CDH17: variants seen among roughly 807,000 people sequenced by gnomAD.
CDH17 encodes the protein cadherin-17.
A neutral mutation model predicts 86.3 loss-of-function variants in CDH17; 67 were observed. The observed-to-expected ratio is 0.78, with a 90% CI of 0.64 to 0.95. The LOEUF (loss-of-function observed/expected upper bound fraction) is 0.95, where lower values mean the gene tolerates loss of function less well. Ranked by LOEUF, CDH17 falls within the 40% of genes least tolerant of loss-of-function variation. The pLI, the probability that CDH17 is intolerant of heterozygous loss-of-function variation, is 0.00. For synonymous variants in CDH17, 367 were observed against 366.4 expected, an observed-to-expected ratio of 1.00 and a Z score of -0.02; for missense variants, 993 against 1,017.6, an observed-to-expected ratio of 0.98 and a Z score of 0.33.
At chr8:94,135,461 C>T (rs529255132) in intron 15 of CDH17, among the ~76,000 whole-genome samples, 2 of 152,178 alleles carry the variant, frequency 1.3e-5, no homozygotes, top group South Asian at 4.1e-4. Context: ...TCTGTTTTAT[C>T]AGAGACTAGG....
In CDH17 at chr8:94,130,636, A is replaced by C. The variant is rs1455743554; in HGVS notation, c.2388T>G (p.Leu796=). Residue 796 remains leucine, a synonymous_variant, in exon 17 of 18, where the codon CTT becomes CTG. Transcript: ENST00000027335. ...GMAVGILLTT[L]LVIGIILAVV... ...AGAAATTACACTCACCAATCACCAG[A>C]AGGGTGGTCAGCAGTATACCAACTG... 6.2e-7 allele frequency: 1 copy of C among 1,607,814 alleles called. No homozygotes were observed. The highest frequency in any genetic ancestry group is 8.5e-7 in the Non-Finnish European group (1 of 1,174,768).
chr8:94,130,786 G>T (rs150741866), intron 16 of CDH17, 47 bp from the exon 17 acceptor site: 5 of 1,535,730 alleles, frequency 3.3e-6, no homozygotes, highest in Non-Finnish European at 4.5e-6. Context: ...CAAGTGAATA[G>T]TTGCAGAATC....
At chr8:94,210,135 C>A (rs559913514), upstream of CDH17, among the ~76,000 whole-genome samples, 7 of 146,250 alleles carry the variant, frequency 4.8e-5, no homozygotes, top group African/African-American at 1.8e-4. Flanking sequence ...ACTACAGAAT[C>A]GGGACTGCAA....
intron 3 of CDH17, among the ~76,000 whole-genome samples, chr8:94,185,974 T>G (rs765940952): frequency 6.6e-6 from 1 of 152,188 alleles, no homozygotes; most frequent in Non-Finnish European, 1.5e-5. Context: ...ATATCTGTTT[T>G]TTGTTGTTGT....
At chr8:94,185,835 A>G (rs1016343626) in intron 3 of CDH17, among the ~76,000 whole-genome samples, 1 of 152,208 alleles carries the variant, frequency 6.6e-6, no homozygotes, top group Non-Finnish European at 1.5e-5. Context: ...CTGGAGCTAA[A>G]TTAAGCCTAT....
intron 1 of CDH17, among the ~76,000 whole-genome samples, chr8:94,199,083 ATT>A (rs71510475): frequency 0.021 from 478 of 23,068 alleles, 6 homozygotes; most frequent in South Asian, 0.05. Context: ...ATATATATAT[ATT>A]TTTTTTTTTT....
rs1454336310 is a variant in CDH17, at chr8:94,174,202, G to T, written c.483C>A (p.Gly161=). Residue 161 remains glycine (G), a synonymous_variant, in exon 6 of 18, where the codon GGC becomes GGA. Transcript: ENST00000027335. ...GGATGACAATCTGGTAATAAAGCTGGCCATTGGGAGTGGCCGGATCATCCA... is the reference window on the plus strand; with the variant it reads ...GGATGACAATCTGGTAATAAAGCTGTCCATTGGGAGTGGCCGGATCATCCA... The part of the protein sequence containing the change: ...TDLDDPATPN[G]QLYYQIVIQL... 1.2e-6 allele frequency: 2 copies of T among 1,613,560 alleles called. No individual in the cohort carries two copies. Among genetic ancestry groups the T allele is most frequent in the East Asian group, 4.5e-5 (2 of 44,846 alleles).
Position 94,194,434 on chromosome 8 carries a change from C to T in CDH17, c.51+201G>A, listed in dbSNP as rs184408047. ...CTGGAAAGAAAATACATTCCCTAGTCGAGGGCAGACATGTGATTTGTAGCC... is the reference window on the plus strand; with the variant it reads ...CTGGAAAGAAAATACATTCCCTAGTTGAGGGCAGACATGTGATTTGTAGCC... On this transcript the variant is annotated intron_variant, in intron 2 of 17. Transcript: ENST00000027335. 1.2e-3 allele frequency among the ~76,000 whole-genome samples: 177 copies of T among 152,266 alleles called. 1 individual carries two copies. Among genetic ancestry groups the T allele is most frequent in the African/African-American group, 2.2e-3 (92 of 41,546 alleles).
intron 2 of CDH17, among the ~76,000 whole-genome samples, chr8:94,193,777 C>G (rs971008548): frequency 6.6e-6 from 1 of 152,048 alleles, no homozygotes; most frequent in Non-Finnish European, 1.5e-5. Flanking sequence ...AGATTTCCCC[C>G]GGGAGGAAGG....
At position 94,184,737 on chromosome 8, in the gene CDH17, AG is replaced by A. The variant is rs1813543573; in HGVS notation, c.150+4449del. Reference sequence around the variant, plus strand: ...TTAGGGTTACATCTTATTTAAAATGAGAAAAAAAAAGACCTCTCTCAGATTT... The same window carrying A: ...TTAGGGTTACATCTTATTTAAAATGAAAAAAAAAAGACCTCTCTCAGATTT... On this transcript the variant is annotated intron_variant, in intron 3 of 17. Transcript: ENST00000027335. Among the ~76,000 whole-genome samples the A allele has an allele frequency of 3.9e-5, 6 of 152,284 alleles. 1 individual carries two copies. In the South Asian group the frequency reaches 1.2e-3, roughly 32 times the overall value.
intron 9 of CDH17, among the ~76,000 whole-genome samples, chr8:94,167,556 G>A (rs1813180947): frequency 6.6e-6 from 1 of 152,216 alleles, no homozygotes; most frequent in African/African-American, 2.4e-5. Context: ...GGAATGAATA[G>A]GACAGAAGAG....
intron 4 of CDH17, among the ~76,000 whole-genome samples, chr8:94,176,908 C>G (rs1813385249): frequency 6.6e-6 from 1 of 152,180 alleles, no homozygotes; most frequent in African/African-American, 2.4e-5. Context: ...GGACACTGAA[C>G]ATGCATCTGT....
chr8:94,205,673 G>A (rs1414798977), intron 1 of CDH17, among the ~76,000 whole-genome samples: 3 of 152,014 alleles, frequency 2.0e-5, no homozygotes, highest in Admixed American at 6.6e-5. Flanking sequence ...GCCAGACCAC[G>A]ATGAAATCTC....
At chr8:94,200,901 A>G (rs909455699) in intron 1 of CDH17, among the ~76,000 whole-genome samples, 1 of 152,156 alleles carries the variant, frequency 6.6e-6, no homozygotes, top group African/African-American at 2.4e-5. Context: ...GAACAACTCT[A>G]TGGAGCAGAT....
chr8:94,162,301 A>G, intron 10 of CDH17, 139 bp from the exon 11 acceptor site: 2 of 639,752 alleles, frequency 3.1e-6, no homozygotes, highest in South Asian at 1.8e-5. Flanking sequence ...TTGTGCAGAG[A>G]GTGGGCTCTC....
rs541771697 is a variant in CDH17 at position 94,175,034 on chromosome 8, T to C, written c.425-774A>G. Among the ~76,000 whole-genome samples, 3 of 152,338 alleles carry C rather than the reference T, an allele frequency of 2.0e-5. No individual in the cohort carries two copies. The East Asian group carries it at 5.8e-4, about 29-fold the overall frequency. ...AGTTGTTGAATTTTCAGAAATTTTG[T>C]GTGTCAATTATTAATACCAATGGTC... On this transcript the variant is annotated intron_variant, in intron 5 of 17. Coordinates refer to ENST00000027335, the MANE Select transcript of CDH17 (RefSeq NM_004063.4).
At position 94,194,616 on chromosome 8, in the gene CDH17, G is replaced by C; in HGVS notation, c.51+19C>G. ...AATATTCTAGTAAACAAATAGAGAA[G>C]AACACCCTCTTCTCTTACCAAATAA... is the stretch of plus-strand genomic sequence containing the variant. On this transcript the variant is annotated intron_variant, in intron 2 of 17. Transcript: ENST00000027335. 1 of 1,543,914 alleles carries C rather than the reference G, an allele frequency of 6.5e-7. No individual in the cohort carries two copies. Among genetic ancestry groups the C allele is most frequent in the African/African-American group, 1.4e-5 (1 of 73,356 alleles).
At chr8:94,161,088 G>A (rs1301871628) in intron 11 of CDH17, among the ~76,000 whole-genome samples, 1 of 152,178 alleles carries the variant, frequency 6.6e-6, no homozygotes, top group Non-Finnish European at 1.5e-5. Context: ...ACTCTCTGTA[G>A]CCAGATTAGT....
At chr8:94,142,730 T>C (rs973489910) in intron 15 of CDH17, among the ~76,000 whole-genome samples, 3 of 148,944 alleles carry the variant, frequency 2.0e-5, no homozygotes, top group Non-Finnish European at 4.4e-5. Context: ...CAGAAGCAGA[T>C]TCCATTGTTC....
Sources: allele counts gnomAD v4.1 joint callset (sites outside exome capture counted in the v4.1 genomes callset), GRCh38; gene constraint gnomAD v4.1.1; transcripts MANE v1.5; gene names NCBI Gene and HGNC (gene_info 2026-07-23, HGNC 2026-07-21).